CDKN2AIP: variants seen among roughly 807,000 people sequenced by gnomAD.
CDKN2AIP encodes CDKN2A-interacting protein.
A neutral mutation model predicts 44.1 loss-of-function variants in CDKN2AIP; 12 were observed. The observed-to-expected ratio is 0.27, with a 90% CI of 0.17 to 0.44. CDKN2AIP has a LOEUF of 0.44. Ranked by LOEUF, CDKN2AIP falls within the 20% of genes least tolerant of loss-of-function variation. The probability of loss-of-function intolerance (pLI) is 1.00; values close to 1 mark genes in which losing one functional copy is unlikely to be tolerated. For missense variants in CDKN2AIP, 705 were observed against 681.6 expected, an observed-to-expected ratio of 1.03 and a Z score of -0.38; for synonymous variants, 291 against 272.1, an observed-to-expected ratio of 1.07 and a Z score of -0.68.
intron 2 of CDKN2AIP, 77 bp downstream of exon 2, chr4:183,445,742 ATTTT>A: frequency 1.6e-6 from 2 of 1,289,080 alleles, no homozygotes; most frequent in Non-Finnish European, 2.2e-6. Flanking sequence ...ATTGTTACTA[ATTTT>A]TTTAACAAGC....
Position 183,444,984 on chromosome 4 carries a change from G to T in CDKN2AIP, c.187G>T (p.Ala63Ser). Residue 63 changes from alanine (A) to serine (S), a missense_variant, in exon 1 of 3, where the codon GCC (alanine) becomes TCC (serine). Ala to Ser is a moderately conservative substitution (Grantham distance 99). Around this residue, in one of 2 missense-constraint regions of CDKN2AIP, gnomAD observed 592 missense variants for 518.0 expected, o/e 1.14. Coordinates refer to ENST00000504169, the MANE Select transcript of CDKN2AIP (RefSeq NM_017632.4). ...ASASTDEAAD[A>S]ESGTRNRQLQ... is the part of the protein sequence containing the mutation. ...CGCTAGCACGGATGAAGCTGCCGAC[G>T]CCGAGAGCGGGACCCGAAACCGGCA... The T allele has an allele frequency of 6.2e-7, 1 of 1,608,614 alleles. No individual in the cohort carries two copies. The highest frequency in any genetic ancestry group is 8.5e-7 in the Non-Finnish European group (1 of 1,176,552).
At chr4:183,446,009 A>C in intron 2 of CDKN2AIP, 79 bp from the exon 3 acceptor site, 1 of 1,165,650 alleles carries the variant, frequency 8.6e-7, no homozygotes, top group East Asian at 2.4e-5. Context: ...TTGTGCCTTT[A>C]TTTTAATGTG....
In CDKN2AIP at chr4:183,444,977, T is replaced by G; in HGVS notation, c.180T>G (p.Ala60=). The change falls in exon 1 of 3, where the codon GCT becomes GCG. Residue 60 remains alanine, a synonymous_variant. Transcript: ENST00000504169. ...GGAASASTDE[A]ADAESGTRNR... is the part of the protein sequence containing the mutation. ...CTGCCTCCGCTAGCACGGATGAAGC[T>G]GCCGACGCCGAGAGCGGGACCCGAA... 6.2e-7 allele frequency: 1 copy of G among 1,609,320 alleles called. No individual in the cohort carries two copies. Among genetic ancestry groups the G allele is most frequent in the South Asian group, 1.1e-5 (1 of 90,944 alleles).
In CDKN2AIP at chr4:183,446,908, G is replaced by A. The variant is rs775066417; in HGVS notation, c.1224G>A (p.Gln408=). 4.3e-6 allele frequency: 7 copies of A among 1,614,172 alleles called. No homozygotes were observed. The African/African-American group carries it at 9.3e-5, about 22-fold the overall frequency. ...GTAGTTCTCAGACTAGCACCTCACA[G>A]TTGCCTTCTAAAAGTACTTCACAGT... ...SKSSSQTSTS[Q]LPSKSTSQSS... is the part of the protein sequence containing the mutation. The change falls in exon 3 of 3, where the codon CAG becomes CAA. Residue 408 remains glutamine, a synonymous_variant. Transcript: ENST00000504169.
intron 2 of CDKN2AIP, 164 bp downstream of exon 2, chr4:183,445,829 C>G: frequency 1.5e-6 from 1 of 659,728 alleles, no homozygotes; most frequent in South Asian, 2.1e-5. Context: ...TGTCTTTAGG[C>G]TTTGAATTTG....
Position 183,446,985 on chromosome 4 carries a change from A to C in CDKN2AIP, c.1301A>C (p.Lys434Thr), listed in dbSNP as rs1439612676. 1 of 1,614,102 alleles carries C rather than the reference A, an allele frequency of 6.2e-7. No homozygotes were observed. Among genetic ancestry groups the C allele is most frequent in the Non-Finnish European group, 8.5e-7 (1 of 1,180,024 alleles). The stretch of plus-strand genomic sequence containing the variant: ...TGCAAGTTAACCAATGAAGATGTGA[A>C]ACAGAAGCAACCTTTTTTCAATAGA... ...FSCKLTNEDV[K>T]QKQPFFNRLY... Residue 434 changes from lysine to threonine, a missense_variant, in exon 3 of 3, where the codon AAA (lysine) becomes ACA (threonine). Transcript: ENST00000504169.
Position 183,444,681 on chromosome 4 carries a change from C to G in CDKN2AIP, c.-117C>G. ...TGGGCGCTGTTGTTTGGTCTTTAGG[C>G]CTGCGGAGGGGCGTTATCTGGAGGG... On this transcript the variant is annotated 5_prime_UTR_variant, in exon 1 of 3. Transcript: ENST00000504169. The G allele has an allele frequency of 9.6e-7, 1 of 1,041,678 alleles. No homozygotes were observed. The allele number at this position is 1,041,678 out of a possible 1,614,324, so 64.5% of individuals were successfully genotyped here.
Position 183,446,822 on chromosome 4 carries a change from A to G in CDKN2AIP, c.1138A>G (p.Ser380Gly). The change falls in exon 3 of 3, where the codon AGT becomes GGT. Residue 380 changes from serine (S) to glycine (G), a missense_variant. Around this residue, in one of 2 missense-constraint regions of CDKN2AIP, gnomAD observed 592 missense variants for 518.0 expected, o/e 1.14. Transcript: ENST00000504169. ...LLASKSSSQT[S>G]GSLVSKSTSL... The stretch of plus-strand genomic sequence containing the variant: ...AGCTTCCAAGAGCAGCTCCCAGACC[A>G]GTGGATCTCTGGTTTCCAAAAGCAC... The G allele has an allele frequency of 6.2e-7, 1 of 1,614,202 alleles. No individual in the cohort carries two copies. Among genetic ancestry groups the G allele is most frequent in the Non-Finnish European group, 8.5e-7 (1 of 1,180,030 alleles).
chr4:183,445,377 C>G (rs370738578), intron 1 of CDKN2AIP, 158 bp from the exon 2 acceptor site: 2 of 652,760 alleles, frequency 3.1e-6, no homozygotes, highest in Non-Finnish European at 5.3e-6. Flanking sequence ...CCTCCCAGAC[C>G]CTGGGGCACT....
In CDKN2AIP at chr4:183,447,073, T is replaced by C; in HGVS notation, c.1389T>C (p.His463=). 2 of 1,614,134 alleles carry C rather than the reference T, an allele frequency of 1.2e-6. No homozygotes were observed. Among genetic ancestry groups the C allele is most frequent in the Non-Finnish European group, 1.7e-6 (2 of 1,179,982 alleles). The change falls in exon 3 of 3, where the codon CAT becomes CAC. Residue 463 remains histidine (H), a synonymous_variant. Transcript: ENST00000504169. ...AVGGFSPNVN[H]GELLNAAIEA... is the part of the protein sequence containing the mutation. Reference sequence around the variant, plus strand: ...GTGGCTTTAGTCCCAATGTGAATCATGGAGAGCTCCTAAATGCAGCTATTG... The same window carrying C: ...GTGGCTTTAGTCCCAATGTGAATCACGGAGAGCTCCTAAATGCAGCTATTG...
rs748108669 is a variant in CDKN2AIP, at chr4:183,444,763, C to T, written c.-35C>T. On this transcript the variant is annotated 5_prime_UTR_variant, in exon 1 of 3. Coordinates refer to ENST00000504169, the MANE Select transcript of CDKN2AIP (RefSeq NM_017632.4). ...TCGCCCCGCTAGTCCTGCCTGTCTCCCGGTGCAGCTGTGTTCGCGGCCTGC... is the reference window on the plus strand; with the variant it reads ...TCGCCCCGCTAGTCCTGCCTGTCTCTCGGTGCAGCTGTGTTCGCGGCCTGC... 3 of 1,484,970 alleles carry T rather than the reference C, an allele frequency of 2.0e-6. No homozygotes were observed. The highest frequency in any genetic ancestry group is 1.3e-5 in the South Asian group (1 of 75,660). 92.0% of individuals were successfully genotyped at this position (1,484,970 alleles called of 1,614,324 possible).
In CDKN2AIP at chr4:183,445,415, T is replaced by C. The variant is rs1733645515; in HGVS notation, c.273-120T>C. The C allele has an allele frequency of 1.1e-5, 9 of 791,784 alleles. No homozygotes were observed. In the South Asian group the frequency reaches 1.5e-4, roughly 13 times the overall value. The allele number at this position is 791,784 out of a possible 1,614,324, so 49.0% of individuals were successfully genotyped here. On this transcript the variant is annotated intron_variant, in intron 1 of 2. Coordinates refer to ENST00000504169, the MANE Select transcript of CDKN2AIP (RefSeq NM_017632.4). ...TTTATGGGGTTCCAGGAAACAGTTC[T>C]TGGCGGTTGGTTCACTTTCTTGATT...
In CDKN2AIP at chr4:183,446,533, A is replaced by G. The variant is rs148559030; in HGVS notation, c.849A>G (p.Gln283=). Reference sequence around the variant, plus strand: ...AAGGCTCTTCAGCCTCAGCTTCTCAAAGCAGCTCAGAGATCGAGGTGCCCT... The same window carrying G: ...AAGGCTCTTCAGCCTCAGCTTCTCAGAGCAGCTCAGAGATCGAGGTGCCCT... ...ALEGSSASAS[Q]SSSEIEVPLL... The change falls in exon 3 of 3, where the codon CAA becomes CAG. Residue 283 remains glutamine, a synonymous_variant. Coordinates refer to ENST00000504169, the MANE Select transcript of CDKN2AIP (RefSeq NM_017632.4). The G allele has an allele frequency of 6.2e-7, 1 of 1,613,824 alleles. No individual in the cohort carries two copies. Among genetic ancestry groups the G allele is most frequent in the Non-Finnish European group, 8.5e-7 (1 of 1,179,652 alleles).
At position 183,446,460 on chromosome 4, in the gene CDKN2AIP, C is replaced by T. The variant is rs746956972; in HGVS notation, c.776C>T (p.Ser259Phe). 36 of 1,613,742 alleles carry T rather than the reference C, an allele frequency of 2.2e-5. 1 individual carries two copies. The South Asian group carries it at 2.9e-4, about 13-fold the overall frequency. The change falls in exon 3 of 3, where the codon TCC (serine) becomes TTC (phenylalanine). Residue 259 changes from serine (S) to phenylalanine (F), a missense_variant. Physicochemically the swap from Ser to Phe is radical, Grantham distance 155 (BLOSUM62 -2). Coordinates refer to ENST00000504169, the MANE Select transcript of CDKN2AIP (RefSeq NM_017632.4). ...KSSVNSHMTQ[S>F]TDSRQQSGSP... ...AGTGTGAATAGTCACATGACCCAATCCACTGATTCTAGACAACAAAGTGGA... is the reference window on the plus strand; with the variant it reads ...AGTGTGAATAGTCACATGACCCAATTCACTGATTCTAGACAACAAAGTGGA...
Position 183,448,427 on chromosome 4 carries a change from CAGAG to C in CDKN2AIP, c.*1003_*1006del, listed in dbSNP as rs1733729134. Among the ~76,000 whole-genome samples, 1 of 152,042 alleles carries C rather than the reference CAGAG, an allele frequency of 6.6e-6. No individual in the cohort carries two copies. Among genetic ancestry groups the C allele is most frequent in the South Asian group, 2.1e-4 (1 of 4,834 alleles). Reference sequence around the variant, plus strand: ...GCATCTTTTAGAATACCGGAAAGAACAGAGAGCCGTGTTCAGCTCTTGATAATGA... The same window carrying C: ...GCATCTTTTAGAATACCGGAAAGAACAGCCGTGTTCAGCTCTTGATAATGA... On this transcript the variant is annotated 3_prime_UTR_variant, in exon 3 of 3. Transcript: ENST00000504169.
rs1733650917 is a variant in CDKN2AIP at position 183,445,628 on chromosome 4, T to G, written c.366T>G (p.Val122=). The change falls in exon 2 of 3, where the codon GTT becomes GTG. Residue 122 remains valine, a synonymous_variant. Coordinates refer to ENST00000504169, the MANE Select transcript of CDKN2AIP (RefSeq NM_017632.4). ...CCTATACAACAAGAGATGAACTGGT[T>G]GCCAAGGTGAAGAAAAGAGGGATAT... ...APTYTTRDEL[V]AKVKKRGISS... 6.2e-7 allele frequency: 1 copy of G among 1,611,574 alleles called. No homozygotes were observed. Among genetic ancestry groups the G allele is most frequent in the African/African-American group, 1.3e-5 (1 of 74,888 alleles).
In CDKN2AIP at chr4:183,447,459, G is replaced by A; in HGVS notation, c.*32G>A. On this transcript the variant is annotated 3_prime_UTR_variant, in exon 3 of 3. Transcript: ENST00000504169. ...CAAAATATCACTGCATACAATATCT[G>A]GTATTTGAAGAGAAAAACTGACTTT... is the stretch of plus-strand genomic sequence containing the variant. 6.9e-7 allele frequency: 1 copy of A among 1,438,850 alleles called. No homozygotes were observed. Among genetic ancestry groups the A allele is most frequent in the South Asian group, 1.5e-5 (1 of 67,736 alleles). 89.1% of individuals were successfully genotyped at this position (1,438,850 alleles called of 1,614,324 possible).
In CDKN2AIP at chr4:183,446,840, A is replaced by G. The variant is rs35970597; in HGVS notation, c.1156A>G (p.Lys386Glu). The stretch of plus-strand genomic sequence containing the variant: ...CCAGACCAGTGGATCTCTGGTTTCC[A>G]AAAGCACTTCCTTAGCAAGTGTGTC... ...SSQTSGSLVS[K>E]STSLASVSQL... Residue 386 changes from lysine to glutamate, a missense_variant, in exon 3 of 3, where the codon AAA becomes GAA. Physicochemically the swap from Lys to Glu is moderately conservative, Grantham distance 56. Coordinates refer to ENST00000504169, the MANE Select transcript of CDKN2AIP (RefSeq NM_017632.4). 766 of 1,614,160 alleles carry G rather than the reference A, an allele frequency of 4.7e-4. 2 individuals are homozygous for G. The African/African-American group carries it at 8.4e-3, about 18-fold the overall frequency.
rs1329728437 is a variant in CDKN2AIP, at chr4:183,444,953, T to G, written c.156T>G (p.Ala52=). The G allele has an allele frequency of 6.2e-7, 1 of 1,611,476 alleles. No individual in the cohort carries two copies. Among genetic ancestry groups the G allele is most frequent in the Admixed American group, 1.7e-5 (1 of 59,964 alleles). Residue 52 remains alanine (A), a synonymous_variant, in exon 1 of 3, where the codon GCT becomes GCG. Transcript: ENST00000504169. ...NAGDLAPAGG[A]ASASTDEAAD... is the part of the protein sequence containing the mutation. ...GGGACCTGGCCCCCGCTGGCGGCGCTGCCTCCGCTAGCACGGATGAAGCTG... is the reference window on the plus strand; with the variant it reads ...GGGACCTGGCCCCCGCTGGCGGCGCGGCCTCCGCTAGCACGGATGAAGCTG...
Sources: allele counts gnomAD v4.1 joint callset (sites outside exome capture counted in the v4.1 genomes callset), GRCh38; gene constraint gnomAD v4.1.1; regional missense constraint gnomAD v4.1.1; transcripts MANE v1.5; gene names NCBI Gene and HGNC (gene_info 2026-07-23, HGNC 2026-07-21).